Variants in NFATC1 observed in about 807,000 individuals in gnomAD.
NFATC1 encodes the protein nuclear factor of activated T-cells, cytoplasmic 1.
Under a neutral mutation model 76.0 loss-of-function variants are expected in NFATC1, and 22 were observed. The observed-to-expected ratio is 0.29, with a 90% CI of 0.21 to 0.41. NFATC1 has a LOEUF of 0.41. Ranked by LOEUF, NFATC1 falls within the 10% of genes least tolerant of loss-of-function variation. The pLI is 1.00. For synonymous variants in NFATC1, 704 were observed against 613.1 expected, an observed-to-expected ratio of 1.15 and a Z score of -2.19; for missense variants, 1,357 against 1,337.7, an observed-to-expected ratio of 1.01 and a Z score of -0.23.
At chr18:79,397,990 AG>A (rs2085063188) in intron 1 of NFATC1, among the ~76,000 whole-genome samples, 1 of 152,202 alleles carries the variant, frequency 6.6e-6, no homozygotes, top group African/African-American at 2.4e-5. Context: ...ACAGGCCGGC[AG>A]CATGGGGACA....
At chr18:79,492,308 G>A (rs766440070) in intron 9 of NFATC1, among the ~76,000 whole-genome samples, 53 of 152,222 alleles carry the variant, frequency 3.5e-4, no homozygotes, top group African/African-American at 1.1e-3. Flanking sequence ...GGCTGGGCAC[G>A]GTGGCTCACT....
Position 79,524,658 on chromosome 18 carries a change from C to T in NFATC1, c.2783-2870C>T, listed in dbSNP as rs1004991453. 6.6e-6 allele frequency among the ~76,000 whole-genome samples: 1 copy of T among 152,154 alleles called. No individual in the cohort carries two copies. The highest frequency in any genetic ancestry group is 2.4e-5 in the African/African-American group (1 of 41,422). On this transcript the variant is annotated intron_variant, in intron 9 of 9. Coordinates refer to ENST00000427363, the MANE Select transcript of NFATC1 (RefSeq NM_001278669.2). This position sits in a 1 kb window ranked among gnomAD's most constrained non-coding sequence, Gnocchi z 7.2. ...CAGCTCTCTTGAGGTCGGCCCTCCT[C>T]CCCTCCCGAGAGCTCAGCAGCCGCA...
rs912214854 is a variant in NFATC1, at chr18:79,431,910, C to T, written c.1227-1669C>T. Among the ~76,000 whole-genome samples the T allele has an allele frequency of 3.3e-5, 5 of 152,156 alleles. No individual in the cohort carries two copies. In the East Asian group the frequency reaches 9.6e-4, roughly 29 times the overall value. ...TAGAGACAGGGTTTCACCATGTTGG[C>T]CAGGATGGTCTCAATCTCCTGACCT... On this transcript the variant is annotated intron_variant, in intron 2 of 9. Transcript: ENST00000427363.
chr18:79,501,727 A>G (rs1667683), intron 9 of NFATC1, among the ~76,000 whole-genome samples: 82,965 of 151,730 alleles, frequency 0.55, 26,034 homozygotes, highest in Non-Finnish European at 0.71. Context: ...TATGCAAGGA[A>G]TAATCCAAAA....
chr18:79,452,478 C>T (rs1427304068), intron 6 of NFATC1, among the ~76,000 whole-genome samples: 2 of 152,300 alleles, frequency 1.3e-5, no homozygotes, highest in South Asian at 2.1e-4. Context: ...GTGCTGCCCA[C>T]GGGAGACTGT....
chr18:79,493,927 G>T (rs1018138386), intron 9 of NFATC1: 1 of 152,248 alleles, frequency 6.6e-6, no homozygotes, highest in Non-Finnish European at 1.5e-5. Context: ...GGGCGGGCCG[G>T]GCTGCGGGGC....
intron 9 of NFATC1, among the ~76,000 whole-genome samples, chr18:79,519,561 A>G (rs2090464101): frequency 6.6e-6 from 1 of 152,120 alleles, no homozygotes; most frequent in South Asian, 2.1e-4. Flanking sequence ...CTGGTCTTGA[A>G]CTTTTGGCCT....
chr18:79,428,911 A>T (rs961952872), intron 2 of NFATC1, among the ~76,000 whole-genome samples: 3 of 152,162 alleles, frequency 2.0e-5, no homozygotes, highest in Non-Finnish European at 2.9e-5. Flanking sequence ...ATCATTTTGT[A>T]AAAATGTTTA....
intron 2 of NFATC1, among the ~76,000 whole-genome samples, chr18:79,425,107 GTC>G (rs2086264442): frequency 7.7e-6 from 1 of 129,572 alleles, no homozygotes; most frequent in Non-Finnish European, 1.7e-5. Context: ...CCATCTCTCT[GTC>G]TCTGTCGCTC....
At position 79,396,270 on chromosome 18, in the gene NFATC1, C is replaced by G; in HGVS notation, c.46C>G (p.Pro16Ala). The change falls in exon 1 of 10, where the codon CCT (proline) becomes GCT (alanine). Residue 16 changes from proline to alanine, a missense_variant. Pro to Ala is a conservative substitution (Grantham distance 27). Coordinates refer to ENST00000427363, the MANE Select transcript of NFATC1 (RefSeq NM_001278669.2). ...FPVPSKFPLG[P>A]AAAVFGRGET... ...AGTCCCTTCCAAGTTTCCACTTGGC[C>G]CTGCGGCTGCGGTCTTCGGGAGAGG... is the stretch of plus-strand genomic sequence containing the variant. 5 of 1,480,378 alleles carry G rather than the reference C, an allele frequency of 3.4e-6. No individual in the cohort carries two copies. The highest frequency in any genetic ancestry group is 3.6e-6 in the Non-Finnish European group (4 of 1,106,984). The allele number at this position is 1,480,378 out of a possible 1,614,324, so 91.7% of individuals were successfully genotyped here.
At chr18:79,479,301 G>C (rs1290829550) in intron 8 of NFATC1, among the ~76,000 whole-genome samples, 3 of 152,232 alleles carry the variant, frequency 2.0e-5, no homozygotes, top group Non-Finnish European at 2.9e-5. Context: ...GGTGAGCCCG[G>C]AACACGGGCA....
rs371946339 is a variant in NFATC1 at position 79,486,385 on chromosome 18, C to T, written c.2230C>T (p.Leu744Phe). 48 of 1,612,998 alleles carry T rather than the reference C, an allele frequency of 3.0e-5. No homozygotes were observed. The African/African-American group carries it at 5.3e-4, about 18-fold the overall frequency. The change falls in exon 9 of 10, where the codon CTC (leucine) becomes TTC (phenylalanine). Residue 744 changes from leucine to phenylalanine, a missense_variant. Coordinates refer to ENST00000427363, the MANE Select transcript of NFATC1 (RefSeq NM_001278669.2). ...LAMPPDPSSC[L>F]VAGFPPCPQR... ...GATGCCACCCGACCCCAGCTCCTGC[C>T]TCGTGGCCGGCTTCCCGCCCTGTCC...
intron 9 of NFATC1, among the ~76,000 whole-genome samples, chr18:79,487,152 C>T (rs921284289): frequency 1.3e-5 from 2 of 152,198 alleles, no homozygotes; most frequent in Non-Finnish European, 1.5e-5. Flanking sequence ...CTCCGGTGGT[C>T]GCAGTGTGGG....
chr18:79,476,724 G>A (rs1302202078), intron 8 of NFATC1, among the ~76,000 whole-genome samples: 1 of 152,210 alleles, frequency 6.6e-6, no homozygotes, highest in Non-Finnish European at 1.5e-5. Flanking sequence ...TGGGGGCAAA[G>A]TGAGATCATG....
intron 2 of NFATC1, among the ~76,000 whole-genome samples, chr18:79,423,839 G>C (rs2086186344): frequency 6.6e-6 from 1 of 152,214 alleles, no homozygotes; most frequent in Non-Finnish European, 1.5e-5. Flanking sequence ...GGTCCCACGT[G>C]GAGAGGAGGC....
intron 2 of NFATC1, chr18:79,422,358 C>T (rs1269552495): frequency 6.6e-6 from 1 of 152,226 alleles, no homozygotes; most frequent in Non-Finnish European, 1.5e-5. Flanking sequence ...CAGATGGGCC[C>T]TGACCCTGGA....
At position 79,486,768 on chromosome 18, in the gene NFATC1, C is replaced by T; in HGVS notation, c.2613C>T (p.Ala871=). ...LQPCSPACPP[A]TGRPQHLPST... is the part of the protein sequence containing the mutation. ...CCTGCAGCCCAGCGTGCCCGCCCGCCACGGGCCGCCCGCAGCACCTGCCGT... is the reference window on the plus strand; with the variant it reads ...CCTGCAGCCCAGCGTGCCCGCCCGCTACGGGCCGCCCGCAGCACCTGCCGT... Residue 871 remains alanine (A), a synonymous_variant, in exon 9 of 10, where the codon GCC becomes GCT. Transcript: ENST00000427363. The T allele has an allele frequency of 6.2e-7, 1 of 1,606,914 alleles. No individual in the cohort carries two copies. Among genetic ancestry groups the T allele is most frequent in the Non-Finnish European group, 8.5e-7 (1 of 1,177,604 alleles).
At chr18:79,423,926 C>T (rs1446069799) in intron 2 of NFATC1, among the ~76,000 whole-genome samples, 7 of 152,208 alleles carry the variant, frequency 4.6e-5, no homozygotes, top group African/African-American at 1.7e-4. Flanking sequence ...GGACAGTAGC[C>T]CGGGGCCTCT....
intron 7 of NFATC1, among the ~76,000 whole-genome samples, chr18:79,464,282 A>G (rs1233176553): frequency 6.6e-6 from 1 of 151,646 alleles, no homozygotes; most frequent in African/African-American, 2.4e-5. Context: ...TTTAGTAGAG[A>G]CGGGATTTCA....
Sources: gnomAD v4.1 joint callset for allele counts (sites outside exome capture counted in the v4.1 genomes callset) on GRCh38, gnomAD v4.1.1 for gene constraint, Gnocchi (gnomAD v3.1) non-coding constraint, MANE v1.5 for transcripts, NCBI Gene and HGNC (gene_info 2026-07-23, HGNC 2026-07-21) for gene names.